The following G2E3 variants were observed in gnomAD, a reference collection of about 807,000 sequenced individuals.
The protein encoded by G2E3 is G2/M phase-specific E3 ubiquitin-protein ligase.
Under a neutral mutation model 92.8 loss-of-function variants are expected in G2E3, and 35 were observed. The observed-to-expected ratio is 0.38, with a 90% CI of 0.29 to 0.50. The LOEUF (loss-of-function observed/expected upper bound fraction) is 0.50, where lower values mean the gene tolerates loss of function less well. Ranked by LOEUF, G2E3 falls within the 20% of genes least tolerant of loss-of-function variation. The pLI, the probability that G2E3 is intolerant of heterozygous loss-of-function variation, is 0.94. For missense variants in G2E3, 554 were observed against 823.8 expected, an observed-to-expected ratio of 0.67 and a Z score of 4.01; for synonymous variants, 242 against 272.4, an observed-to-expected ratio of 0.89 and a Z score of 1.10.
chr14:30,612,400 T>A (rs368588898), intron 13 of G2E3, 21 bp downstream of exon 13: 5 of 1,436,862 alleles, frequency 3.5e-6, no homozygotes, highest in Non-Finnish European at 4.7e-6. Flanking sequence ...TCTATTAATA[T>A]ATGGCTCTTT....
intron 6 of G2E3, among the ~76,000 whole-genome samples, chr14:30,596,638 CCTT>C (rs986522578): frequency 2.6e-5 from 4 of 152,152 alleles, no homozygotes; most frequent in South Asian, 2.1e-4. Flanking sequence ...CTTAGGTACT[CCTT>C]CTTGTTTCTT....
In G2E3 at chr14:30,594,641, C is replaced by A. The variant is rs567449796; in HGVS notation, c.528+1002C>A. ...CCGGAAGACGGAGCTTGCACTGAGC[C>A]AAGATGGCACCACTGCATTCCAGCC... is the stretch of plus-strand genomic sequence containing the variant. On this transcript the variant is annotated intron_variant, in intron 6 of 14. Transcript: ENST00000206595. 1.5e-4 allele frequency among the ~76,000 whole-genome samples: 22 copies of A among 151,348 alleles called. No homozygotes were observed. The East Asian group carries it at 4.3e-3, about 29-fold the overall frequency.
chr14:30,615,296 T>C (rs564098770), intron 13 of G2E3, 53 bp from the exon 14 acceptor site: 4 of 914,742 alleles, frequency 4.4e-6, no homozygotes, highest in Admixed American at 2.6e-5. Flanking sequence ...TTCCCTAATA[T>C]AATACCAAAC....
chr14:30,602,096 A>G lies in G2E3; in HGVS notation c.975A>G (p.Arg325=), dbSNP rs376040583. The G allele has an allele frequency of 5.2e-5, 83 of 1,610,804 alleles. No homozygotes were observed. The highest frequency in any genetic ancestry group is 6.5e-5 in the Non-Finnish European group (76 of 1,177,376). Residue 325 remains arginine (R), a synonymous_variant, in exon 10 of 15, where the codon AGA becomes AGG. Coordinates refer to ENST00000206595, the MANE Select transcript of G2E3 (RefSeq NM_017769.5). ...LLEESSPKLP[R]QSPGSQSKDL... The stretch of plus-strand genomic sequence containing the variant: ...AAGAGTCATCACCTAAATTACCCAG[A>G]CAGTCACCTGGATCCCAGAGTAAAG...
intron 13 of G2E3, among the ~76,000 whole-genome samples, chr14:30,612,717 C>T (rs1477421637): frequency 6.6e-6 from 1 of 151,878 alleles, no homozygotes; most frequent in Non-Finnish European, 1.5e-5. Context: ...ATTAGCCGGG[C>T]GTGGTGGTGG....
At chr14:30,560,781 TCA>T (rs1403150451) in intron 1 of G2E3, 5 of 702,202 alleles carry the variant, frequency 7.1e-6, no homozygotes, top group Non-Finnish European at 1.3e-5. Flanking sequence ...ACTTCAGATC[TCA>T]GATTCTGAAT....
chr14:30,614,886 A>C (rs1882243538), intron 13 of G2E3, among the ~76,000 whole-genome samples: 1 of 152,158 alleles, frequency 6.6e-6, no homozygotes, highest in South Asian at 2.1e-4. Flanking sequence ...CTGTCATATA[A>C]AATATCTGTC....
intron 1 of G2E3, among the ~76,000 whole-genome samples, chr14:30,565,822 C>T (rs149936895): frequency 0.035 from 5,278 of 151,710 alleles, 121 homozygotes; most frequent in Middle Eastern, 0.058. Context: ...CCACCACACC[C>T]GGCTAATTTT....
At chr14:30,593,154 C>G (rs11621771) in intron 5 of G2E3, among the ~76,000 whole-genome samples, 4 of 152,204 alleles carry the variant, frequency 2.6e-5, no homozygotes, top group Non-Finnish European at 5.9e-5. Flanking sequence ...TTGAGCACAA[C>G]GTATGCACCC....
intron 8 of G2E3, among the ~76,000 whole-genome samples, chr14:30,601,372 G>T (rs1881558630): frequency 1.3e-5 from 2 of 152,128 alleles, no homozygotes; most frequent in Non-Finnish European, 2.9e-5. Context: ...CTTATTTTAG[G>T]AAATATTCCT....
intron 6 of G2E3, among the ~76,000 whole-genome samples, chr14:30,596,386 C>G (rs1881292971): frequency 1.3e-5 from 2 of 152,116 alleles, no homozygotes. Flanking sequence ...ATTCTTCATA[C>G]TACTGTCTTT....
rs1880890346 is a variant in G2E3 at position 30,589,496 on chromosome 14, AT to A, written c.237+16del. 1 of 1,246,184 alleles carries A rather than the reference AT, an allele frequency of 8.0e-7. No individual in the cohort carries two copies. Among genetic ancestry groups the A allele is most frequent in the Non-Finnish European group, 1.2e-6 (1 of 852,314 alleles). The allele number at this position is 1,246,184 out of a possible 1,614,324, so 77.2% of individuals were successfully genotyped here. On this transcript the variant is annotated intron_variant, in intron 4 of 14. Transcript: ENST00000206595. The stretch of plus-strand genomic sequence containing the variant: ...GAGCTTCTAAACTGGTAAGTAAATT[AT>A]TTTACTATTAAGTAATGTCATAAAT...
chr14:30,567,903 A>G (rs143483472), intron 1 of G2E3, among the ~76,000 whole-genome samples: 2 of 152,124 alleles, frequency 1.3e-5, no homozygotes, highest in Admixed American at 6.5e-5. Context: ...TGGAGAGGAT[A>G]TTTTGTGTGA....
chr14:30,604,337 C>T (rs1881721214), intron 10 of G2E3, among the ~76,000 whole-genome samples: 1 of 152,222 alleles, frequency 6.6e-6, no homozygotes, highest in African/African-American at 2.4e-5. Context: ...ACTGTAACGT[C>T]TTGGGGTGGG....
At position 30,592,311 on chromosome 14, in the gene G2E3, A is replaced by G. The variant is rs1881055369; in HGVS notation, c.238-12A>G. 3 of 1,611,172 alleles carry G rather than the reference A, an allele frequency of 1.9e-6. No individual in the cohort carries two copies. Among genetic ancestry groups the G allele is most frequent in the Admixed American group, 1.7e-5 (1 of 59,866 alleles). On this transcript the variant is annotated splice_polypyrimidine_tract_variant and intron_variant, in intron 4 of 14. Transcript: ENST00000206595. Reference sequence around the variant, plus strand: ...TTTATGTTGTGACCCCTATTTTCACATACTCTTCTAGAAATGCTGTGTTTG... The same window carrying G: ...TTTATGTTGTGACCCCTATTTTCACGTACTCTTCTAGAAATGCTGTGTTTG...
At chr14:30,593,991 A>G (rs567390157) in intron 6 of G2E3, among the ~76,000 whole-genome samples, 1 of 152,304 alleles carries the variant, frequency 6.6e-6, no homozygotes, top group African/African-American at 2.4e-5. Context: ...GATATTTGAA[A>G]TGATAAGAAG....
At chr14:30,568,845 T>C (rs1879589841) in intron 1 of G2E3, among the ~76,000 whole-genome samples, 1 of 152,050 alleles carries the variant, frequency 6.6e-6, no homozygotes, top group Non-Finnish European at 1.5e-5. Flanking sequence ...AGTGCAATAA[T>C]ACTACTGGCT....
chr14:30,615,210 C>T (rs1477217895), intron 13 of G2E3, 139 bp from the exon 14 acceptor site: 2 of 537,754 alleles, frequency 3.7e-6, no homozygotes, highest in Non-Finnish European at 6.6e-6. Flanking sequence ...ATGATTGTCT[C>T]TTGTGGGGGT....
Position 30,608,029 on chromosome 14 carries a change from A to G in G2E3, c.1460A>G (p.Asp487Gly), listed in dbSNP as rs575764290. The G allele has an allele frequency of 1.6e-5, 25 of 1,597,668 alleles. No homozygotes were observed. In the East Asian group the frequency reaches 5.4e-4, roughly 35 times the overall value. Residue 487 changes from aspartate to glycine, a missense_variant, in exon 12 of 15, where the codon GAT (aspartate) becomes GGT (glycine). By Grantham distance (94) the Asp-to-Gly change is moderately conservative. Transcript: ENST00000206595. ...CCAGAAAATACCCAGCCAATTTTAG[A>G]TGATGTTTCAGACTTTGATGTGGCA... ...YGPENTQPIL[D>G]DVSDFDVAQI...
Sources: allele counts gnomAD v4.1 joint callset (sites outside exome capture counted in the v4.1 genomes callset), GRCh38; gene constraint gnomAD v4.1.1; transcripts MANE v1.5; gene names NCBI Gene and HGNC (gene_info 2026-07-23, HGNC 2026-07-21).